The following GABRA1 variants were observed in gnomAD, a reference collection of about 807,000 sequenced individuals.
GABRA1 encodes gamma-aminobutyric acid receptor subunit alpha-1.
In GABRA1, 9 loss-of-function variants were observed where a neutral mutation model predicts 48.9. The observed-to-expected ratio is 0.18, with a 90% CI of 0.11 to 0.32. The LOEUF (loss-of-function observed/expected upper bound fraction) is 0.32, where lower values mean the gene tolerates loss of function less well. GABRA1 is among the 10% of genes least tolerant of loss of function. The probability of loss-of-function intolerance (pLI) is 1.00; values close to 1 mark genes in which losing one functional copy is unlikely to be tolerated. For missense variants in GABRA1, 285 were observed against 553.8 expected (o/e 0.51, Z 4.87); for synonymous variants, 210 against 198.7 (o/e 1.06, Z -0.48).
At chr5:161,876,265 G>C (rs1466309224) in intron 6 of GABRA1, among the ~76,000 whole-genome samples, 1 of 152,018 alleles carries the variant, frequency 6.6e-6, no homozygotes, top group African/African-American at 2.4e-5. Flanking sequence ...TCAGCTGTTT[G>C]AAAATATTCA....
At chr5:161,881,276 G>C (rs185781280) in intron 6 of GABRA1, among the ~76,000 whole-genome samples, 63 of 152,174 alleles carry the variant, frequency 4.1e-4, no homozygotes, top group African/African-American at 1.3e-3. Context: ...ACCTCATTCT[G>C]CATCTAAATA....
chr5:161,855,138 G>A (rs1311802190), intron 3 of GABRA1, among the ~76,000 whole-genome samples: 3 of 151,498 alleles, frequency 2.0e-5, no homozygotes, highest in African/African-American at 4.8e-5. Context: ...ATTTGTAGTA[G>A]CTATTTAATA....
At chr5:161,873,061 T>C in intron 4 of GABRA1, 56 bp from the exon 5 acceptor site, 4 of 1,333,732 alleles carry the variant, frequency 3.0e-6, no homozygotes, top group Non-Finnish European at 4.3e-6. Flanking sequence ...GCGTTAGATA[T>C]TTGCATTGCA....
At position 161,882,109 on chromosome 5, in the gene GABRA1, C is replaced by T. The variant is rs182938719; in HGVS notation, c.560-449C>T. ...TGTATAAATGTTACCTCCTCAGAGACGACTCTGTCTGAGCCCCTTACCTTA... is the reference window on the plus strand; with the variant it reads ...TGTATAAATGTTACCTCCTCAGAGATGACTCTGTCTGAGCCCCTTACCTTA... On this transcript the variant is annotated intron_variant, in intron 6 of 9. Transcript: ENST00000393943. 165 of 201,572 alleles carry T rather than the reference C, an allele frequency of 8.2e-4. 1 individual carries two copies. The highest frequency in any genetic ancestry group is 2.6e-3 in the South Asian group (31 of 11,796). 12.5% of individuals were successfully genotyped at this position (201,572 alleles called of 1,614,324 possible). A position where few individuals can be genotyped will look rare whatever the true frequency, so the allele number is the denominator to read the frequency against.
intron 1 of GABRA1, among the ~76,000 whole-genome samples, chr5:161,849,335 C>T (rs1444222287): frequency 1.3e-5 from 2 of 151,958 alleles, no homozygotes; most frequent in African/African-American, 4.8e-5. Context: ...TTGTAACAAA[C>T]GATGAAGATT....
At position 161,898,765 on chromosome 5, in the gene GABRA1, A is replaced by T. The variant is rs1028872877; in HGVS notation, c.*1343A>T. The stretch of plus-strand genomic sequence containing the variant: ...AAGCATTAGTTGGAGCTAGAAAATG[A>T]ACTGTATATTATTGCTATATTTGCT... On this transcript the variant is annotated 3_prime_UTR_variant, in exon 10 of 10. Coordinates refer to ENST00000393943, the MANE Select transcript of GABRA1 (RefSeq NM_001127644.2). 2.6e-5 allele frequency: 4 copies of T among 152,604 alleles called. No individual in the cohort carries two copies. Among genetic ancestry groups the T allele is most frequent in the African/African-American group, 9.6e-5 (4 of 41,466 alleles). 9.5% of individuals were successfully genotyped at this position (152,604 alleles called of 1,614,324 possible).
chr5:161,897,144 A>G lies in GABRA1; in HGVS notation c.1093A>G (p.Asn365Asp), dbSNP rs1469266875. The G allele has an allele frequency of 5.0e-6, 8 of 1,614,096 alleles. No homozygotes were observed. Among genetic ancestry groups the G allele is most frequent in the Non-Finnish European group, 6.8e-6 (8 of 1,179,996 alleles). The change falls in exon 10 of 10, where the codon AAC becomes GAC. Residue 365 changes from asparagine (N) to aspartate (D), a missense_variant. Physicochemically the swap from Asn to Asp is conservative, Grantham distance 23. This residue lies in a region of GABRA1 where 99 missense variants were observed against 94.2 expected (regional missense o/e 1.05). Coordinates refer to ENST00000393943, the MANE Select transcript of GABRA1 (RefSeq NM_001127644.2). ...KKVKDPLIKKNNTYAPTATSY... is the reference protein window; with the variant it reads ...KKVKDPLIKKDNTYAPTATSY... ...AGTAAAGGATCCTCTTATTAAGAAA[A>G]ACAACACTTACGCTCCAACAGCAAC...
At chr5:161,856,183 A>G (rs1473093340) in intron 3 of GABRA1, among the ~76,000 whole-genome samples, 1 of 151,372 alleles carries the variant, frequency 6.6e-6, no homozygotes, top group Non-Finnish European at 1.5e-5. Context: ...ACTTGAAGAT[A>G]TAAAGATTAG....
chr5:161,865,803 T>A lies in GABRA1; in HGVS notation c.255+15T>A, dbSNP rs776430237. On this transcript the variant is annotated intron_variant, in intron 4 of 9. Coordinates refer to ENST00000393943, the MANE Select transcript of GABRA1 (RefSeq NM_001127644.2). ...ACCATGATATGGTAAGTGGACACTT[T>A]ATCTTTGCTTTTCTTGAAGAATTTT... is the stretch of plus-strand genomic sequence containing the variant. The A allele has an allele frequency of 6.2e-7, 1 of 1,604,078 alleles. No individual in the cohort carries two copies. Among genetic ancestry groups the A allele is most frequent in the South Asian group, 1.1e-5 (1 of 90,864 alleles).
At chr5:161,890,423 T>A (rs1755036746) in intron 7 of GABRA1, among the ~76,000 whole-genome samples, 1 of 152,110 alleles carries the variant, frequency 6.6e-6, no homozygotes, top group South Asian at 2.1e-4. Flanking sequence ...CAAAGAGATA[T>A]TTAATGCAGT....
At chr5:161,894,571 G>A (rs756276843) in intron 8 of GABRA1, among the ~76,000 whole-genome samples, 1 of 152,116 alleles carries the variant, frequency 6.6e-6, no homozygotes, top group East Asian at 1.9e-4. Context: ...GCTAATAAGT[G>A]GTAGGATTGA....
chr5:161,863,637 C>T lies in GABRA1; in HGVS notation c.188-2084C>T, dbSNP rs148019030. ...ATTAAAGGTGCACATGAGATTTGGG[C>T]GGGGACAAATATCCAAACCATATGA... is the stretch of plus-strand genomic sequence containing the variant. On this transcript the variant is annotated intron_variant, in intron 3 of 9. Transcript: ENST00000393943. Among the ~76,000 whole-genome samples the T allele has an allele frequency of 7.0e-4, 107 of 151,998 alleles. 2 individuals are homozygous for T. The East Asian group carries it at 0.017, about 25-fold the overall frequency.
intron 3 of GABRA1, among the ~76,000 whole-genome samples, chr5:161,862,579 T>A (rs959157486): frequency 6.6e-6 from 1 of 152,036 alleles, no homozygotes; most frequent in Middle Eastern, 3.4e-3. Context: ...GGTACTCACA[T>A]CTCTATCCAT....
chr5:161,880,507 T>C (rs1754567522), intron 6 of GABRA1, among the ~76,000 whole-genome samples: 1 of 152,206 alleles, frequency 6.6e-6, no homozygotes, highest in Non-Finnish European at 1.5e-5. Context: ...ACCATGAGGA[T>C]AACCACAATT....
chr5:161,889,186 C>G (rs916620741), intron 7 of GABRA1, among the ~76,000 whole-genome samples: 2 of 151,974 alleles, frequency 1.3e-5, no homozygotes, highest in Non-Finnish European at 2.9e-5. Context: ...CTACAGAAAG[C>G]AGGATGTGTT....
At position 161,897,574 on chromosome 5, in the gene GABRA1, G is replaced by C. The variant is rs891432109; in HGVS notation, c.*152G>C. The C allele has an allele frequency of 1.3e-6, 1 of 750,846 alleles. No individual in the cohort carries two copies. Among genetic ancestry groups the C allele is most frequent in the Non-Finnish European group, 2.2e-6 (1 of 462,810 alleles). 46.5% of individuals were successfully genotyped at this position (750,846 alleles called of 1,614,324 possible). ...ATTCATTTAAGAACAAGAGACCCCT[G>C]TCTGGCAGTCTGGAGCAAAGCAGAC... On this transcript the variant is annotated 3_prime_UTR_variant, in exon 10 of 10. Transcript: ENST00000393943.
chr5:161,849,741 T>A (rs1443197098), intron 1 of GABRA1, among the ~76,000 whole-genome samples: 2 of 152,224 alleles, frequency 1.3e-5, no homozygotes, highest in Admixed American at 6.5e-5. Flanking sequence ...CCTTATATTA[T>A]GACTGGAATT....
chr5:161,860,255 A>G lies in GABRA1; in HGVS notation c.188-5466A>G, dbSNP rs374441274. On this transcript the variant is annotated intron_variant, in intron 3 of 9. Coordinates refer to ENST00000393943, the MANE Select transcript of GABRA1 (RefSeq NM_001127644.2). Reference sequence around the variant, plus strand: ...CGTGTTTAGACAACTTGCTACTTTCATCTTTTCTGTGGTATATAAACTATC... The same window carrying G: ...CGTGTTTAGACAACTTGCTACTTTCGTCTTTTCTGTGGTATATAAACTATC... Among the ~76,000 whole-genome samples the G allele has an allele frequency of 9.9e-4, 150 of 151,942 alleles. 2 individuals carry two copies. Among genetic ancestry groups the G allele is most frequent in the African/African-American group, 3.3e-3 (137 of 41,518 alleles).
chr5:161,885,446 C>T (rs1308073011), intron 7 of GABRA1, among the ~76,000 whole-genome samples: 1 of 152,142 alleles, frequency 6.6e-6, no homozygotes, highest in Non-Finnish European at 1.5e-5. Context: ...AAGGCATCTT[C>T]TTCTACTTTA....
Sources: allele counts gnomAD v4.1 joint callset (sites outside exome capture counted in the v4.1 genomes callset), GRCh38; gene constraint gnomAD v4.1.1; regional missense constraint gnomAD v4.1.1; transcripts MANE v1.5; gene names NCBI Gene and HGNC (gene_info 2026-07-23, HGNC 2026-07-21).